HERC1: variants seen among roughly 807,000 people sequenced by gnomAD.
The protein encoded by HERC1 is HECT and RLD domain containing E3 ubiquitin protein ligase family member 1.
A neutral mutation model predicts 554.3 loss-of-function variants in HERC1; 160 were observed. The observed-to-expected ratio is 0.29, with a 90% confidence interval of 0.25 to 0.33. HERC1 has a LOEUF of 0.33. Among genes scored for constraint, HERC1 ranks in the 10% least tolerant of loss-of-function variants. The pLI is 1.00. For synonymous variants in HERC1, 2,175 were observed against 2,131.7 expected, an observed-to-expected ratio of 1.02 and a Z score of -0.56; for missense variants, 4,919 against 5,918.5, an observed-to-expected ratio of 0.83 and a Z score of 5.54.
rs576824511 is a variant in HERC1, at chr15:63,662,887, G to A, written c.8901+97C>T. 35 of 859,758 alleles carry A rather than the reference G, an allele frequency of 4.1e-5. 1 individual carries two copies. In the South Asian group the frequency reaches 5.4e-4, roughly 13 times the overall value. The allele number at this position is 859,758 out of a possible 1,614,324, so 53.3% of individuals were successfully genotyped here. A position where few individuals can be genotyped will look rare whatever the true frequency, so the allele number is the denominator to read the frequency against. The stretch of plus-strand genomic sequence containing the variant: ...TCAGGATGAGATAAAAGACTTTTTA[G>A]AGTGTTTCAACTCTAGGCAAGGCTG... On this transcript the variant is annotated intron_variant, in intron 44 of 77. Transcript: ENST00000443617.
intron 48 of HERC1, among the ~76,000 whole-genome samples, chr15:63,658,191 T>C (rs1408245287): frequency 6.6e-6 from 1 of 152,208 alleles, no homozygotes; most frequent in Non-Finnish European, 1.5e-5. Flanking sequence ...AGGATCCCCA[T>C]GATGGCATCT....
At chr15:63,640,535 AT>A in intron 60 of HERC1, 90 bp from the exon 61 acceptor site, 1 of 1,097,368 alleles carries the variant, frequency 9.1e-7, no homozygotes, top group Non-Finnish European at 1.3e-6. Flanking sequence ...CTGGAATCAT[AT>A]TTTTCAAGTT....
intron 1 of HERC1, among the ~76,000 whole-genome samples, chr15:63,788,237 T>G (rs2076519498): frequency 6.6e-6 from 1 of 152,210 alleles, no homozygotes. Flanking sequence ...AAGTGTTATC[T>G]GCACCTAACA....
intron 1 of HERC1, among the ~76,000 whole-genome samples, chr15:63,797,770 C>T (rs528024333): frequency 6.6e-6 from 1 of 152,346 alleles, no homozygotes; most frequent in East Asian, 1.9e-4. Context: ...CAGGAGATTA[C>T]AAAATGTTTA....
Position 63,727,579 on chromosome 15 carries a change from C to T in HERC1, c.3346+68G>A. On this transcript the variant is annotated intron_variant, in intron 17 of 77. Transcript: ENST00000443617. This position sits in a 1 kb window ranked among gnomAD's most constrained non-coding sequence, Gnocchi z 4.3. ...ATAGATAGACTCCAATGGAAAAACA[C>T]AGTGATGTGTGCAAGAGGAACAACT... The T allele has an allele frequency of 8.9e-7, 1 of 1,118,810 alleles. No homozygotes were observed. Among genetic ancestry groups the T allele is most frequent in the Admixed American group, 2.2e-5 (1 of 44,938 alleles). The allele number at this position is 1,118,810 out of a possible 1,614,324, so 69.3% of individuals were successfully genotyped here.
chr15:63,701,817 A>AT (rs200026752), intron 25 of HERC1, among the ~76,000 whole-genome samples: 16 of 150,702 alleles, frequency 1.1e-4, no homozygotes, highest in South Asian at 6.3e-4. Context: ...AAGAACTTTA[A>AT]TTTTTTTTTT....
chr15:63,766,254 GTTATATTATATAT>G (rs1241742090), intron 2 of HERC1, among the ~76,000 whole-genome samples: 1 of 149,954 alleles, frequency 6.7e-6, no homozygotes, highest in African/African-American at 2.4e-5. Context: ...ATTTATTTAT[GTTATATTATATAT>G]TAGTAATTAA....
intron 24 of HERC1, among the ~76,000 whole-genome samples, chr15:63,707,802 G>A (rs1055385970): frequency 2.6e-5 from 4 of 151,828 alleles, no homozygotes; most frequent in East Asian, 3.9e-4. Context: ...GGTAGCACAC[G>A]CCTGTAATCC....
In HERC1 at chr15:63,749,810, C is replaced by G; in HGVS notation, c.1903-19G>C. 6.6e-7 allele frequency: 1 copy of G among 1,525,518 alleles called. No homozygotes were observed. The highest frequency in any genetic ancestry group is 1.3e-5 in the South Asian group (1 of 78,684). The allele number at this position is 1,525,518 out of a possible 1,614,324, so 94.5% of individuals were successfully genotyped here. A position where few individuals can be genotyped will look rare whatever the true frequency, so the allele number is the denominator to read the frequency against. On this transcript the variant is annotated intron_variant, in intron 8 of 77. Coordinates refer to ENST00000443617, the MANE Select transcript of HERC1 (RefSeq NM_003922.4). The surrounding 1 kb of genome is among the most constrained non-coding windows in gnomAD (Gnocchi z 4.1). ...CATAGACCTGAAAAAAACAGAAATACGTTACACATAACTTCCTGAGATGAT... is the reference window on the plus strand; with the variant it reads ...CATAGACCTGAAAAAAACAGAAATAGGTTACACATAACTTCCTGAGATGAT...
intron 26 of HERC1, among the ~76,000 whole-genome samples, chr15:63,697,450 ATTTTTTTT>A (rs35244420): frequency 1.8e-5 from 2 of 108,498 alleles, no homozygotes; most frequent in African/African-American, 7.2e-5. Flanking sequence ...GTTAATCTTG[ATTTTTTTT>A]TTTTTTTTTT....
intron 47 of HERC1, 120 bp downstream of exon 47, chr15:63,659,616 G>A (rs2070246401): frequency 1.4e-6 from 1 of 710,882 alleles, no homozygotes; most frequent in African/African-American, 1.8e-5. Flanking sequence ...ACTTGTTGGG[G>A]TGAGATAATG....
chr15:63,716,497 C>G, intron 21 of HERC1, 24 bp from the exon 22 acceptor site: 1 of 1,535,822 alleles, frequency 6.5e-7, no homozygotes, highest in Non-Finnish European at 8.8e-7. Context: ...TCAGAAACTA[C>G]ACTAAATACA....
At chr15:63,804,787 TG>T (rs777990651) in intron 1 of HERC1, among the ~76,000 whole-genome samples, 4 of 152,138 alleles carry the variant, frequency 2.6e-5, no homozygotes, top group Non-Finnish European at 5.9e-5. Context: ...GCAAAATATC[TG>T]GACACTTCAC....
chr15:63,773,046 G>A (rs958625914), intron 2 of HERC1, among the ~76,000 whole-genome samples: 1 of 152,098 alleles, frequency 6.6e-6, no homozygotes, highest in African/African-American at 2.4e-5. Context: ...GCGGGTAGGG[G>A]GAGACTTGAA....
intron 25 of HERC1, 21 bp from the exon 26 acceptor site, chr15:63,699,017 CAT>C (rs1324302445): frequency 6.3e-7 from 1 of 1,583,136 alleles, no homozygotes; most frequent in Admixed American, 1.7e-5. Flanking sequence ...ACAGAATAAA[CAT>C]ATATCAATGG....
intron 73 of HERC1, 43 bp from the exon 74 acceptor site, chr15:63,622,934 A>T (rs1006858382): frequency 1.6e-6 from 2 of 1,251,658 alleles, no homozygotes; most frequent in Non-Finnish European, 2.3e-6. Flanking sequence ...TGACAATCAA[A>T]TGCATGAAGA....
intron 6 of HERC1, 69 bp downstream of exon 6, chr15:63,755,160 A>T: frequency 9.4e-7 from 1 of 1,064,518 alleles, no homozygotes; most frequent in Non-Finnish European, 1.4e-6. Context: ...ATCTGCTCTC[A>T]CGGCTTCTCA....
chr15:63,739,308 C>T (rs2074690923), intron 12 of HERC1, among the ~76,000 whole-genome samples: 1 of 150,634 alleles, frequency 6.6e-6, no homozygotes. Context: ...GGCGATTCTC[C>T]TGCCTCAGCC....
intron 1 of HERC1, among the ~76,000 whole-genome samples, chr15:63,821,726 C>CAAAAAAAAAAAAAAAAAAAAAA (rs35074987): frequency 1.6e-5 from 1 of 62,470 alleles, no homozygotes; most frequent in African/African-American, 7.0e-5. Flanking sequence ...TACCCTGTCT[C>CAAAAAAAAAAAAAAAAAAAAAA]AAAAAAAAAA....
Sources: allele counts gnomAD v4.1 joint callset (sites outside exome capture counted in the v4.1 genomes callset), GRCh38; gene constraint gnomAD v4.1.1; non-coding constraint Gnocchi (gnomAD v3.1); transcripts MANE v1.5; gene names NCBI Gene and HGNC (gene_info 2026-07-23, HGNC 2026-07-21).